The following ELMO1 variants were observed in gnomAD, a reference collection of about 807,000 sequenced individuals.
ELMO1 encodes the protein engulfment and cell motility protein 1.
In ELMO1, 26 loss-of-function variants were observed where a neutral mutation model predicts 98.9. The ratio of observed to expected loss-of-function variants is 0.26; its 90% CI spans 0.19 to 0.36. The LOEUF is 0.36. Ranked by LOEUF, ELMO1 falls within the 10% of genes least tolerant of loss-of-function variation. The pLI is 1.00. For missense variants in ELMO1, 627 were observed against 935.2 expected (o/e 0.67, Z 4.30); for synonymous variants, 346 against 346.0 (o/e 1.00, Z 0.00).
chr7:37,111,252 T>C (rs755599043), intron 14 of ELMO1, among the ~76,000 whole-genome samples: 1 of 152,186 alleles, frequency 6.6e-6, no homozygotes, highest in African/African-American at 2.4e-5. Flanking sequence ...GACTCACCCA[T>C]TGAAAAGATC....
At chr7:37,024,396 C>T (rs1338182698) in intron 15 of ELMO1, among the ~76,000 whole-genome samples, 1 of 152,224 alleles carries the variant, frequency 6.6e-6, no homozygotes, top group Admixed American at 6.5e-5. Context: ...AAAGTGACAA[C>T]TTTCCATCTC....
rs376283835 is a variant in ELMO1 at position 37,447,646 on chromosome 7, CA to C, written c.-74+1028del. On this transcript the variant is annotated intron_variant, in intron 1 of 21. Transcript: ENST00000310758. ...ACACACACACCCACAACACCCCCCCCACACACACACACTCACACACACACCG... is the reference window on the plus strand; with the variant it reads ...ACACACACACCCACAACACCCCCCCCCACACACACACTCACACACACACCG... Among the ~76,000 whole-genome samples, 558 of 146,762 alleles carry C rather than the reference CA, an allele frequency of 3.8e-3. 4 individuals are homozygous for C. The highest frequency in any genetic ancestry group is 0.013 in the African/African-American group (508 of 37,736).
intron 13 of ELMO1, among the ~76,000 whole-genome samples, chr7:37,155,503 A>AATAAAAAAAAAAAAT (rs1554427527): frequency 7.6e-6 from 1 of 131,738 alleles, no homozygotes; most frequent in African/African-American, 2.7e-5. Flanking sequence ...AAAAAAAAAA[A>AATAAAAAAAAAAAAT]AAAAAGCAGG....
chr7:37,400,606 G>T (rs1259532278), intron 1 of ELMO1, among the ~76,000 whole-genome samples: 1 of 152,160 alleles, frequency 6.6e-6, no homozygotes, highest in African/African-American at 2.4e-5. Context: ...ACATAAACAT[G>T]TGAGAGCTTT....
intron 8 of ELMO1, among the ~76,000 whole-genome samples, chr7:37,225,378 T>C (rs1398185279): frequency 6.6e-6 from 1 of 152,232 alleles, no homozygotes; most frequent in East Asian, 1.9e-4. Context: ...CCTGTGTTTC[T>C]CTGGGATGGT....
At chr7:37,442,499 A>G (rs1179064127) in intron 1 of ELMO1, among the ~76,000 whole-genome samples, 4 of 152,212 alleles carry the variant, frequency 2.6e-5, no homozygotes, top group Non-Finnish European at 5.9e-5. Context: ...TCCACAGAGG[A>G]AAAATGTTGG....
intron 1 of ELMO1, among the ~76,000 whole-genome samples, chr7:37,416,510 A>T (rs1804220538): frequency 2.0e-5 from 3 of 152,210 alleles, no homozygotes; most frequent in Admixed American, 2.0e-4. Context: ...TTGTCCATGC[A>T]CACGCACAGA....
At chr7:36,887,790 A>G in intron 17 of ELMO1, 118 bp from the exon 18 acceptor site, 1 of 804,022 alleles carries the variant, frequency 1.2e-6, no homozygotes, top group Non-Finnish European at 2.0e-6. Flanking sequence ...AGCATCTAAT[A>G]CCTCCAACTT....
intron 15 of ELMO1, among the ~76,000 whole-genome samples, chr7:37,022,485 C>A (rs942825916): frequency 6.6e-6 from 1 of 152,080 alleles, no homozygotes; most frequent in African/African-American, 2.4e-5. Flanking sequence ...AGGAGCTAAG[C>A]TTTTTAAGTC....
intron 2 of ELMO1, among the ~76,000 whole-genome samples, chr7:37,340,366 A>G (rs1364974563): frequency 6.6e-6 from 1 of 152,188 alleles, no homozygotes; most frequent in African/African-American, 2.4e-5. Context: ...TCTTTGTACT[A>G]TCCTGGCAAT....
At chr7:37,050,660 A>ACACACACACAC (rs1562922926) in intron 15 of ELMO1, among the ~76,000 whole-genome samples, 3 of 140,436 alleles carry the variant, frequency 2.1e-5, no homozygotes, top group East Asian at 2.0e-4. Flanking sequence ...ACACACACAC[A>ACACACACACAC]AAAGGTAACT....
At chr7:37,068,840 G>A (rs1361489528) in intron 15 of ELMO1, among the ~76,000 whole-genome samples, 3 of 152,092 alleles carry the variant, frequency 2.0e-5, no homozygotes, top group East Asian at 1.9e-4. Context: ...TAATGAGCCC[G>A]ACTCCTAGGT....
At chr7:37,253,930 A>G (rs6462746) in intron 6 of ELMO1, among the ~76,000 whole-genome samples, 48,162 of 151,974 alleles carry the variant, frequency 0.32, 7,757 homozygotes, top group Middle Eastern at 0.43. Context: ...CTTCCAAATT[A>G]CAGGATCTAT....
In ELMO1 at chr7:37,443,115, A is replaced by G. The variant is rs112075767; in HGVS notation, c.-74+5560T>C. On this transcript the variant is annotated intron_variant, in intron 1 of 21. Transcript: ENST00000310758. ...CAGAGAAAAATGTCGCATTGATCCT[A>G]TGACTCCACCTCCACTGAGAGAATG... Among the ~76,000 whole-genome samples, 1,272 of 152,276 alleles carry G rather than the reference A, an allele frequency of 8.4e-3. 24 individuals are homozygous for G. Among genetic ancestry groups the G allele is most frequent in the African/African-American group, 0.028 (1,178 of 41,548 alleles).
rs925378542 is a variant in ELMO1 at position 36,887,774 on chromosome 7, T to C, written c.1602-102A>G. The stretch of plus-strand genomic sequence containing the variant: ...GGGCAGGGGAGAACAAGTGCATCTT[T>C]TCATGAGCATCTAATACCTCCAACT... On this transcript the variant is annotated intron_variant, in intron 17 of 21. Coordinates refer to ENST00000310758, the MANE Select transcript of ELMO1 (RefSeq NM_014800.11). 1.5e-5 allele frequency: 15 copies of C among 976,320 alleles called. No individual in the cohort carries two copies. The African/African-American group carries it at 2.1e-4, about 14-fold the overall frequency. 60.5% of individuals were successfully genotyped at this position (976,320 alleles called of 1,614,324 possible). A position where few individuals can be genotyped will look rare whatever the true frequency, so the allele number is the denominator to read the frequency against.
chr7:36,980,691 C>G (rs1319345431), intron 16 of ELMO1, among the ~76,000 whole-genome samples: 1 of 152,176 alleles, frequency 6.6e-6, no homozygotes, highest in Admixed American at 6.5e-5. Flanking sequence ...TCCAAAGATA[C>G]TTATTGTAAT....
chr7:37,083,083 T>C (rs1215601508), intron 15 of ELMO1, among the ~76,000 whole-genome samples: 1 of 152,186 alleles, frequency 6.6e-6, no homozygotes, highest in Non-Finnish European at 1.5e-5. Context: ...CCTAGGAACA[T>C]GAGGACCATA....
intron 13 of ELMO1, among the ~76,000 whole-genome samples, chr7:37,179,869 G>C (rs991057858): frequency 3.3e-5 from 5 of 152,202 alleles, no homozygotes; most frequent in African/African-American, 1.2e-4. Context: ...GCGAGGTAAA[G>C]AGAAGAATTC....
chr7:36,955,601 C>T (rs769719003), intron 16 of ELMO1, among the ~76,000 whole-genome samples: 30 of 152,258 alleles, frequency 2.0e-4, no homozygotes, highest in African/African-American at 7.2e-4. Flanking sequence ...AACACATGTA[C>T]ATCTTTTTAT....
Sources: allele counts gnomAD v4.1 joint callset (sites outside exome capture counted in the v4.1 genomes callset), GRCh38; gene constraint gnomAD v4.1.1; transcripts MANE v1.5; gene names NCBI Gene and HGNC (gene_info 2026-07-23, HGNC 2026-07-21).